The following MYO16 variants were observed in gnomAD, a reference collection of about 807,000 sequenced individuals.
MYO16 encodes the protein unconventional myosin-XVI.
Under a neutral mutation model 205.3 loss-of-function variants are expected in MYO16, and 94 were observed. That is an observed-to-expected ratio of 0.46 (90% confidence interval 0.39 to 0.54). MYO16 has a LOEUF of 0.54. Among genes scored for constraint, MYO16 ranks in the 20% least tolerant of loss-of-function variants. The pLI, the probability that MYO16 is intolerant of heterozygous loss-of-function variation, is 0.00. For synonymous variants in MYO16, 988 were observed against 954.0 expected (o/e 1.04, Z -0.66); for missense variants, 2,315 against 2,387.5 (o/e 0.97, Z 0.63).
intron 4 of MYO16, among the ~76,000 whole-genome samples, chr13:108,775,208 G>A (rs1220750572): frequency 1.3e-5 from 2 of 152,132 alleles, no homozygotes; most frequent in Non-Finnish European, 2.9e-5. Context: ...TTTACTCAAG[G>A]AATCAATATG....
chr13:109,013,116 C>A (rs1277968408), intron 22 of MYO16, among the ~76,000 whole-genome samples: 1 of 97,464 alleles, frequency 1.0e-5, no homozygotes, highest in Non-Finnish European at 2.2e-5. Context: ...CCTCCCCCAC[C>A]CCCCCCCACC....
chr13:108,849,680 T>C (rs1031458456), intron 10 of MYO16, among the ~76,000 whole-genome samples: 12 of 146,430 alleles, frequency 8.2e-5, no homozygotes, highest in African/African-American at 7.6e-5. Context: ...TTATCCATAC[T>C]GGGTTATTTG....
At chr13:108,838,404 C>A (rs1322500787) in intron 9 of MYO16, among the ~76,000 whole-genome samples, 1 of 151,596 alleles carries the variant, frequency 6.6e-6, no homozygotes, top group African/African-American at 2.4e-5. Context: ...CCTGTAATCC[C>A]AGCACTTTGG....
chr13:108,713,900 T>G (rs914128429), intron 3 of MYO16, among the ~76,000 whole-genome samples: 8 of 152,218 alleles, frequency 5.3e-5, no homozygotes, highest in Non-Finnish European at 1.2e-4. Context: ...GATCCTCATA[T>G]GGCTTCCATG....
intron 16 of MYO16, among the ~76,000 whole-genome samples, chr13:108,916,882 T>C (rs190405410): frequency 1.3e-5 from 2 of 152,312 alleles, no homozygotes; most frequent in Admixed American, 1.3e-4. Context: ...GTACGTTTGG[T>C]TTCAAATTTC....
chr13:108,791,463 T>A (rs1400041850), intron 5 of MYO16, among the ~76,000 whole-genome samples: 1 of 152,206 alleles, frequency 6.6e-6, no homozygotes, highest in Non-Finnish European at 1.5e-5. Context: ...ACATATTATA[T>A]GTTTTATGTG....
chr13:108,737,559 T>C (rs1375625339), intron 4 of MYO16, among the ~76,000 whole-genome samples: 1 of 152,222 alleles, frequency 6.6e-6, no homozygotes, highest in Non-Finnish European at 1.5e-5. Context: ...ATTGAGGATT[T>C]TTGCATCAAT....
chr13:108,917,167 GAC>G (rs1332177988), intron 16 of MYO16, among the ~76,000 whole-genome samples: 1 of 152,152 alleles, frequency 6.6e-6, no homozygotes, highest in East Asian at 1.9e-4. Context: ...AAGAGAACGT[GAC>G]CACGTGCTGC....
intron 16 of MYO16, among the ~76,000 whole-genome samples, chr13:108,911,387 G>C (rs957101356): frequency 1.3e-5 from 2 of 152,066 alleles, no homozygotes; most frequent in African/African-American, 4.8e-5. Context: ...TTTTAGATAC[G>C]TTAATCGAGA....
chr13:108,516,803 C>G, the MYO16 span, among the ~76,000 whole-genome samples: 1 of 152,294 alleles, frequency 6.6e-6, no homozygotes, highest in Non-Finnish European at 1.5e-5. Flanking sequence ...GCTGTATAGT[C>G]TGCAGGTTAT....
chr13:108,834,189 T>A (rs1422812014), intron 9 of MYO16, among the ~76,000 whole-genome samples: 1 of 151,612 alleles, frequency 6.6e-6, no homozygotes, highest in African/African-American at 2.4e-5. Flanking sequence ...AGTAGGAGAG[T>A]TTCTAAGTGC....
chr13:108,725,115 C>A (rs1884295755), intron 3 of MYO16, among the ~76,000 whole-genome samples: 2 of 152,050 alleles, frequency 1.3e-5, no homozygotes, highest in Non-Finnish European at 2.9e-5. Flanking sequence ...TTAAAGTTCT[C>A]ATCTCTGAAA....
At chr13:108,767,922 A>T (rs1057196747) in intron 4 of MYO16, among the ~76,000 whole-genome samples, 20 of 152,150 alleles carry the variant, frequency 1.3e-4, no homozygotes, top group African/African-American at 4.8e-4. Context: ...TGTAGCAACA[A>T]TTTGTTAGCT....
intron 21 of MYO16, among the ~76,000 whole-genome samples, chr13:108,996,036 G>T (rs1566451418): frequency 1.3e-5 from 2 of 152,144 alleles, no homozygotes; most frequent in Admixed American, 1.3e-4. Context: ...ATTCCTCAGG[G>T]ATCTTGAACT....
chr13:109,175,261 G>T (rs1282419001), intron 33 of MYO16, among the ~76,000 whole-genome samples: 1 of 152,208 alleles, frequency 6.6e-6, no homozygotes, highest in Non-Finnish European at 1.5e-5. Flanking sequence ...AGTGCTCTGA[G>T]CAGCCTCCAA....
chr13:108,606,961 C>T (rs1441145169), intron 1 of MYO16, among the ~76,000 whole-genome samples: 2 of 152,166 alleles, frequency 1.3e-5, no homozygotes, highest in East Asian at 1.9e-4. Flanking sequence ...CAAAGGAGAT[C>T]GTTTTGTAAC....
intron 4 of MYO16, among the ~76,000 whole-genome samples, chr13:108,733,836 G>T (rs934626818): frequency 1.3e-5 from 2 of 152,124 alleles, no homozygotes; most frequent in South Asian, 2.1e-4. Flanking sequence ...GGGCATGGTG[G>T]CAGGCACCTG....
intron 18 of MYO16, among the ~76,000 whole-genome samples, chr13:108,962,020 T>C (rs1333556712): frequency 2.6e-5 from 4 of 152,232 alleles, no homozygotes; most frequent in African/African-American, 7.2e-5. Flanking sequence ...CTTTCAAAGA[T>C]CTTGCCAAAA....
At chr13:109,160,240 G>A (rs1250486416) in intron 32 of MYO16, among the ~76,000 whole-genome samples, 1 of 152,186 alleles carries the variant, frequency 6.6e-6, no homozygotes, top group Non-Finnish European at 1.5e-5. Context: ...GAATCACATT[G>A]ACTGGGAGTG....
Sources: allele counts gnomAD v4.1 joint callset (sites outside exome capture counted in the v4.1 genomes callset), GRCh38; gene constraint gnomAD v4.1.1; transcripts MANE v1.5; gene names NCBI Gene and HGNC (gene_info 2026-07-23, HGNC 2026-07-21).